The following LDLRAD3 variants were observed in gnomAD, a reference collection of about 807,000 sequenced individuals.
LDLRAD3 encodes the protein low density lipoprotein receptor class A domain containing 3.
LDLRAD3 carries 20 observed loss-of-function variants against 29.4 expected under a neutral mutation model. The observed-to-expected ratio is 0.68, with a 90% CI of 0.48 to 0.99. LDLRAD3 has a LOEUF of 0.99. Ranked by LOEUF, LDLRAD3 falls within the 50% of genes least tolerant of loss-of-function variation. The probability of loss-of-function intolerance (pLI) is 0.00; values close to 1 mark genes in which losing one functional copy is unlikely to be tolerated. For missense variants in LDLRAD3, 420 were observed against 454.3 expected, an observed-to-expected ratio of 0.92 and a Z score of 0.69; for synonymous variants, 157 against 192.7, an observed-to-expected ratio of 0.81 and a Z score of 1.53.
At chr11:36,039,362 C>T (rs2133213083) in intron 2 of LDLRAD3, among the ~76,000 whole-genome samples, 1 of 152,300 alleles carries the variant, frequency 6.6e-6, no homozygotes. Flanking sequence ...CTTCTTCCCC[C>T]TTAGGGGGCT....
chr11:36,184,598 TAGG>T (rs536486714), intron 4 of LDLRAD3, among the ~76,000 whole-genome samples: 100 of 152,332 alleles, frequency 6.6e-4, no homozygotes, highest in Non-Finnish European at 1.3e-3. Flanking sequence ...GACAGGTTCC[TAGG>T]AGTACTACCA....
At chr11:36,149,002 C>G (rs1040501502) in intron 4 of LDLRAD3, among the ~76,000 whole-genome samples, 3 of 152,176 alleles carry the variant, frequency 2.0e-5, no homozygotes, top group Non-Finnish European at 2.9e-5. Context: ...TGTGTTGATA[C>G]GTATGATGAA....
At chr11:36,032,606 G>C (rs750183834) in intron 1 of LDLRAD3, among the ~76,000 whole-genome samples, 4 of 152,258 alleles carry the variant, frequency 2.6e-5, no homozygotes, top group African/African-American at 9.6e-5. Context: ...ATTGCAGGAG[G>C]TATAGCAACA....
Position 36,135,342 on chromosome 11 carries a change from G to A in LDLRAD3, c.454+36881G>A, listed in dbSNP as rs1002921724. Among the ~76,000 whole-genome samples, 5 of 152,144 alleles carry A rather than the reference G, an allele frequency of 3.3e-5. No individual in the cohort carries two copies. The South Asian group carries it at 1.0e-3, about 32-fold the overall frequency. ...TGCTGGCTTTTTGCCCTTTCCCCATGGCTGGGGTTTGGGAAGATTCTGGAG... is the reference window on the plus strand; with the variant it reads ...TGCTGGCTTTTTGCCCTTTCCCCATAGCTGGGGTTTGGGAAGATTCTGGAG... On this transcript the variant is annotated intron_variant, in intron 4 of 5. Coordinates refer to ENST00000315571, the MANE Select transcript of LDLRAD3 (RefSeq NM_174902.4).
At chr11:36,031,830 G>C (rs1852239331) in intron 1 of LDLRAD3, among the ~76,000 whole-genome samples, 1 of 152,260 alleles carries the variant, frequency 6.6e-6, no homozygotes. Context: ...GGTTGGTGCA[G>C]AAGTAATTGC....
intron 4 of LDLRAD3, among the ~76,000 whole-genome samples, chr11:36,191,302 C>T (rs1854938151): frequency 6.6e-6 from 1 of 152,030 alleles, no homozygotes; most frequent in South Asian, 2.1e-4. Flanking sequence ...CTTTGGGAGG[C>T]TGAGGAAAGA....
intron 1 of LDLRAD3, among the ~76,000 whole-genome samples, chr11:35,982,577 A>G (rs934973942): frequency 2.0e-5 from 3 of 152,090 alleles, no homozygotes; most frequent in Non-Finnish European, 4.4e-5. Flanking sequence ...AAAGTAGCCT[A>G]CTCATGAAGC....
intron 1 of LDLRAD3, among the ~76,000 whole-genome samples, chr11:35,969,029 T>A (rs1261876223): frequency 6.6e-6 from 1 of 152,196 alleles, no homozygotes; most frequent in Non-Finnish European, 1.5e-5. Flanking sequence ...GAGTCACGAT[T>A]TTATACACAG....
intron 3 of LDLRAD3, among the ~76,000 whole-genome samples, chr11:36,093,292 T>G (rs1048713124): frequency 6.6e-6 from 1 of 152,224 alleles, no homozygotes; most frequent in African/African-American, 2.4e-5. Flanking sequence ...TGTGTTGCTG[T>G]ATTTGCTTCA....
At chr11:36,083,779 C>A (rs1202624245) in intron 3 of LDLRAD3, among the ~76,000 whole-genome samples, 3 of 72,138 alleles carry the variant, frequency 4.2e-5, no homozygotes, top group Non-Finnish European at 9.7e-5. Flanking sequence ...CACACACACA[C>A]ACCCCAGAAT....
Position 36,229,633 on chromosome 11 carries a change from C to CA in LDLRAD3, c.*236_*237insA. 6 of 490,632 alleles carry CA rather than the reference C, an allele frequency of 1.2e-5. No homozygotes were observed. Among genetic ancestry groups the CA allele is most frequent in the South Asian group, 4.2e-5 (1 of 23,724 alleles). The allele number at this position is 490,632 out of a possible 1,614,324, so 30.4% of individuals were successfully genotyped here. ...CTGTCAGGTCACTCTTCCCTTGGGA[C>CA]CCGAGATCACACCCTCATTTTTCAC... On this transcript the variant is annotated 3_prime_UTR_variant, in exon 6 of 6. Coordinates refer to ENST00000315571, the MANE Select transcript of LDLRAD3 (RefSeq NM_174902.4).
chr11:36,114,272 C>T (rs1166713769), intron 4 of LDLRAD3, among the ~76,000 whole-genome samples: 6 of 152,172 alleles, frequency 3.9e-5, no homozygotes, highest in African/African-American at 7.2e-5. Flanking sequence ...CCTCCTTGGG[C>T]TCACTCAAGT....
intron 3 of LDLRAD3, among the ~76,000 whole-genome samples, chr11:36,084,774 C>G (rs547087720): frequency 1.6e-3 from 241 of 152,268 alleles, no homozygotes; most frequent in Non-Finnish European, 2.8e-3. Flanking sequence ...ATGGAGAGAT[C>G]AGGCTGAAAA....
chr11:36,056,112 C>G (rs1378022366), intron 2 of LDLRAD3, among the ~76,000 whole-genome samples: 1 of 151,498 alleles, frequency 6.6e-6, no homozygotes, highest in Non-Finnish European at 1.5e-5. Flanking sequence ...TCTCCTGCCT[C>G]AGCCTCCTGA....
chr11:36,048,963 A>G (rs1471579163), intron 2 of LDLRAD3, among the ~76,000 whole-genome samples: 1 of 152,164 alleles, frequency 6.6e-6, no homozygotes, highest in African/African-American at 2.4e-5. Context: ...AGAGAGCTTC[A>G]TTATCATCAG....
rs1855561324 is a variant in LDLRAD3 at position 36,230,523 on chromosome 11, G to T, written c.*1126G>T. 6.5e-6 allele frequency: 1 copy of T among 152,720 alleles called. No individual in the cohort carries two copies. The highest frequency in any genetic ancestry group is 1.5e-5 in the Non-Finnish European group (1 of 68,136). 9.5% of individuals were successfully genotyped at this position (152,720 alleles called of 1,614,324 possible). ...TCCTCTTCCCAAGGTCCCAATACCA[G>T]CACCTCTAGTTAGAGTTAGGGTCAG... On this transcript the variant is annotated 3_prime_UTR_variant, in exon 6 of 6. Transcript: ENST00000315571.
Position 36,200,759 on chromosome 11 carries a change from C to G in LDLRAD3, c.455-26326C>G, listed in dbSNP as rs569145858. 2.0e-5 allele frequency among the ~76,000 whole-genome samples: 3 copies of G among 152,282 alleles called. No homozygotes were observed. In the East Asian group the frequency reaches 5.8e-4, roughly 29 times the overall value. ...CAAAGTGGGGCCGATGGTGCTCAAC[C>G]CATGGGCTTGCAGTAAGTGTTCTTC... On this transcript the variant is annotated intron_variant, in intron 4 of 5. Transcript: ENST00000315571.
At chr11:36,219,877 A>G (rs1590365963) in intron 4 of LDLRAD3, among the ~76,000 whole-genome samples, 1 of 152,364 alleles carries the variant, frequency 6.6e-6, no homozygotes, top group Non-Finnish European at 1.5e-5. Flanking sequence ...TGTAAAGAAA[A>G]TGAAAAGATA....
chr11:36,066,464 G>A lies in LDLRAD3; in HGVS notation c.194-15189G>A, dbSNP rs187528492. ...AGATTTGTCTGTAGAAGCAGCGGTT[G>A]GGAATATCTTAGTTTCCTGCTTATA... is the stretch of plus-strand genomic sequence containing the variant. On this transcript the variant is annotated intron_variant, in intron 2 of 5. Transcript: ENST00000315571. 1.1e-3 allele frequency among the ~76,000 whole-genome samples: 173 copies of A among 152,198 alleles called. 1 individual carries two copies. The highest frequency in any genetic ancestry group is 3.9e-3 in the African/African-American group (163 of 41,538).
Sources: gnomAD v4.1 joint callset for allele counts (sites outside exome capture counted in the v4.1 genomes callset) on GRCh38, gnomAD v4.1.1 for gene constraint, MANE v1.5 for transcripts, NCBI Gene and HGNC (gene_info 2026-07-23, HGNC 2026-07-21) for gene names.